MAGOHB: variants seen among roughly 807,000 people sequenced by gnomAD.
MAGOHB encodes mago homolog B, exon junction complex subunit, also known as protein mago nashi homolog 2.
A neutral mutation model predicts 20.9 loss-of-function variants in MAGOHB; 15 were observed. The observed-to-expected ratio is 0.72, with a 90% CI of 0.48 to 1.11. The LOEUF (loss-of-function observed/expected upper bound fraction) is 1.11. Ranked by LOEUF, MAGOHB falls within the 50% of genes least tolerant of loss-of-function variation. The pLI is 0.00. For synonymous variants in MAGOHB, 50 were observed against 57.9 expected (o/e 0.86, Z 0.62); for missense variants, 162 against 177.6 (o/e 0.91, Z 0.50).
chr12:10,611,656 G>A (rs1473500837), intron 1 of MAGOHB, among the ~76,000 whole-genome samples: 2 of 146,532 alleles, frequency 1.4e-5, no homozygotes, highest in African/African-American at 5.1e-5. Context: ...GATGAGGCAG[G>A]AGAATCGCTT....
chr12:10,608,574 C>T (rs1275484643), intron 3 of MAGOHB: 2 of 110,318 alleles, frequency 1.8e-5, no homozygotes, highest in African/African-American at 3.4e-5. Flanking sequence ...TAATACTCCA[C>T]AAAATAACTA....
intron 4 of MAGOHB, among the ~76,000 whole-genome samples, chr12:10,606,920 G>A (rs1479791984): frequency 6.6e-6 from 1 of 152,076 alleles, no homozygotes; most frequent in East Asian, 1.9e-4. Context: ...TTCCATAGAA[G>A]AGATGCTCAG....
In MAGOHB at chr12:10,613,587, G is replaced by C. The variant is rs1865794152; in HGVS notation, c.-55C>G. 3.4e-6 allele frequency: 4 copies of C among 1,178,958 alleles called. No homozygotes were observed. The South Asian group carries it at 4.9e-5, about 14-fold the overall frequency. 73.0% of individuals were successfully genotyped at this position (1,178,958 alleles called of 1,614,324 possible). On this transcript the variant is annotated 5_prime_UTR_variant, in exon 1 of 5. Coordinates refer to ENST00000320756, the MANE Select transcript of MAGOHB (RefSeq NM_018048.5). The stretch of plus-strand genomic sequence containing the variant: ...CAGCCAACGTGTCCCCCGGCGCCTT[G>C]CAGTGACGTCATCGCGCGGAATAAG...
rs114715046 is a variant in MAGOHB at position 10,609,992 on chromosome 12, C to T, written c.154-51G>A. ...GATAATGCCCACCTATGTCACCCCT[C>T]AACTCAGAAAGAAATGAGTTACAAA... On this transcript the variant is annotated intron_variant, in intron 2 of 4. Transcript: ENST00000320756. The T allele has an allele frequency of 6.9e-6, 7 of 1,010,416 alleles. No homozygotes were observed. In the African/African-American group the frequency reaches 9.9e-5, roughly 14 times the overall value. 62.6% of individuals were successfully genotyped at this position (1,010,416 alleles called of 1,614,324 possible).
At position 10,606,262 on chromosome 12, in the gene MAGOHB, GA is replaced by G; in HGVS notation, c.*12del. 1 of 1,349,312 alleles carries G rather than the reference GA, an allele frequency of 7.4e-7. No individual in the cohort carries two copies. Among genetic ancestry groups the G allele is most frequent in the Non-Finnish European group, 1.0e-6 (1 of 979,880 alleles). The allele number at this position is 1,349,312 out of a possible 1,614,324, so 83.6% of individuals were successfully genotyped here. A position where few individuals can be genotyped will look rare whatever the true frequency, so the allele number is the denominator to read the frequency against. On this transcript the variant is annotated 3_prime_UTR_variant, in exon 5 of 5. Coordinates refer to ENST00000320756, the MANE Select transcript of MAGOHB (RefSeq NM_018048.5). ...CCTTAATTAAATATACAAACAGCCT[GA>G]AAACATACAATTTAAATTGGTTTAA...
Position 10,613,479 on chromosome 12 carries a change from C to G in MAGOHB, c.54G>C (p.Lys18Asn), listed in dbSNP as rs1351936060. 1 of 1,614,202 alleles carries G rather than the reference C, an allele frequency of 6.2e-7. No individual in the cohort carries two copies. Among genetic ancestry groups the G allele is most frequent in the East Asian group, 2.2e-5 (1 of 44,874 alleles). Reference sequence around the variant, plus strand: ...CGAACTCCAGAAACTCGTGCCCAAACTTGCCCTTGTGCCCTACGTAGTAGC... The same window carrying G: ...CGAACTCCAGAAACTCGTGCCCAAAGTTGCCCTTGTGCCCTACGTAGTAGC... ...YLRYYVGHKG[K>N]FGHEFLEFEF... Residue 18 changes from lysine (K) to asparagine (N), a missense_variant, in exon 1 of 5, where the codon AAG (lysine) becomes AAC (asparagine). Lys to Asn is a moderately conservative substitution (Grantham distance 94). Transcript: ENST00000320756.
At position 10,606,183 on chromosome 12, in the gene MAGOHB, G is replaced by T. The variant is rs1290828908; in HGVS notation, c.*92C>A. 11 of 662,896 alleles carry T rather than the reference G, an allele frequency of 1.7e-5. No homozygotes were observed. Among genetic ancestry groups the T allele is most frequent in the Non-Finnish European group, 2.5e-5 (10 of 405,678 alleles). 41.1% of individuals were successfully genotyped at this position (662,896 alleles called of 1,614,324 possible). ...GTTTACATACAAATTTTTTTTGTTT[G>T]CTTCACATTCATAAAAACCCCAATA... is the stretch of plus-strand genomic sequence containing the variant. On this transcript the variant is annotated 3_prime_UTR_variant, in exon 5 of 5. Transcript: ENST00000320756.
intron 3 of MAGOHB, chr12:10,608,314 T>C (rs1354491598): frequency 6.3e-6 from 1 of 159,802 alleles, no homozygotes; most frequent in African/African-American, 2.4e-5. Flanking sequence ...ATACACATTT[T>C]TTCTTTCTGG....
downstream of MAGOHB, among the ~76,000 whole-genome samples, chr12:10,600,354 A>G (rs1389237299): frequency 6.6e-6 from 1 of 151,878 alleles, no homozygotes; most frequent in African/African-American, 2.4e-5. Context: ...GGATACTTAA[A>G]TTGTTTTCAA....
chr12:10,609,608 A>G (rs566587817), intron 3 of MAGOHB: 1 of 536,184 alleles, frequency 1.9e-6, no homozygotes, highest in Non-Finnish European at 3.3e-6. Context: ...GGGTGACTAC[A>G]GAGAAAGATG....
chr12:10,610,623 T>C lies in MAGOHB; in HGVS notation c.152A>G (p.Glu51Gly). The C allele has an allele frequency of 1.3e-6, 2 of 1,514,156 alleles. No individual in the cohort carries two copies. Among genetic ancestry groups the C allele is most frequent in the Non-Finnish European group, 1.8e-6 (2 of 1,129,360 alleles). 93.8% of individuals were successfully genotyped at this position (1,514,156 alleles called of 1,614,324 possible). A position where few individuals can be genotyped will look rare whatever the true frequency, so the allele number is the denominator to read the frequency against. ...NYKNDVMIRK[E>G]AYVHKSVMEE... Reference sequence around the variant, plus strand: ...AAAAGACATTCACATAGAACTTACCTCTTTTCTGATCATGACATCATTTTT... The same window carrying C: ...AAAAGACATTCACATAGAACTTACCCCTTTTCTGATCATGACATCATTTTT... Residue 51 changes from glutamate to glycine, a missense_variant and splice_region_variant, in exon 2 of 5, where the codon GAG becomes GGG. Glu to Gly is a moderately conservative substitution (Grantham distance 98). Coordinates refer to ENST00000320756, the MANE Select transcript of MAGOHB (RefSeq NM_018048.5).
At chr12:10,603,013 T>C (rs749689068), downstream of MAGOHB, among the ~76,000 whole-genome samples, 1 of 152,162 alleles carries the variant, frequency 6.6e-6, no homozygotes, top group Non-Finnish European at 1.5e-5. Flanking sequence ...TTCTAATGCC[T>C]AACTTTTATC....
At chr12:10,609,549 C>T in intron 3 of MAGOHB, 3 of 438,206 alleles carry the variant, frequency 6.8e-6, no homozygotes, top group Non-Finnish European at 1.3e-5. Context: ...TAACACACAA[C>T]AGAAATTATT....
At chr12:10,613,385 C>T in intron 1 of MAGOHB, 54 bp downstream of exon 1, 1 of 1,497,092 alleles carries the variant, frequency 6.7e-7, no homozygotes, top group Non-Finnish European at 9.3e-7. Context: ...CACCACCCGG[C>T]CTCTCGGTCT....
rs910608903 is a variant in MAGOHB, at chr12:10,605,419, T to C, written c.*856A>G. ...AACTTTTTAAGAGTGGGGCTTCAGATGGAAGAATAAAAGGAAACAAGGAAC... is the reference window on the plus strand; with the variant it reads ...AACTTTTTAAGAGTGGGGCTTCAGACGGAAGAATAAAAGGAAACAAGGAAC... On this transcript the variant is annotated 3_prime_UTR_variant, in exon 5 of 5. Transcript: ENST00000320756. 5.9e-5 allele frequency: 9 copies of C among 151,938 alleles called. No individual in the cohort carries two copies. The highest frequency in any genetic ancestry group is 2.2e-4 in the African/African-American group (9 of 41,350). The allele number at this position is 151,938 out of a possible 1,614,324, so 9.4% of individuals were successfully genotyped here.
Position 10,607,878 on chromosome 12 carries a change from G to T in MAGOHB, c.323C>A (p.Ser108Tyr). Residue 108 changes from serine (S) to tyrosine (Y), a missense_variant, in exon 4 of 5, where the codon TCT becomes TAT. Transcript: ENST00000320756. ...CTTTGACTGATTTACATCAATAAGA[G>T]AACCTATTTTTGATGTGGTAAAAGA... is the stretch of plus-strand genomic sequence containing the variant. ...HISFTTSKIG[S>Y]LIDVNQSKDP... 1 of 1,593,864 alleles carries T rather than the reference G, an allele frequency of 6.3e-7. No individual in the cohort carries two copies. The highest frequency in any genetic ancestry group is 8.6e-7 in the Non-Finnish European group (1 of 1,169,180).
rs1591661799 is a variant in MAGOHB, at chr12:10,606,167, C to A, written c.*108G>T. ...TATTTTCTTATTTTCAGTTTACATACAAATTTTTTTTGTTTGCTTCACATT... is the reference window on the plus strand; with the variant it reads ...TATTTTCTTATTTTCAGTTTACATAAAAATTTTTTTTGTTTGCTTCACATT... On this transcript the variant is annotated 3_prime_UTR_variant, in exon 5 of 5. Coordinates refer to ENST00000320756, the MANE Select transcript of MAGOHB (RefSeq NM_018048.5). The A allele has an allele frequency of 3.4e-6, 2 of 590,288 alleles. No individual in the cohort carries two copies. The highest frequency in any genetic ancestry group is 6.4e-5 in the East Asian group (2 of 31,486). 36.6% of individuals were successfully genotyped at this position (590,288 alleles called of 1,614,324 possible).
rs753490584 is a variant in MAGOHB, at chr12:10,610,643, A to G, written c.132T>C (p.Asn44=). The stretch of plus-strand genomic sequence containing the variant: ...TTACCTCTTTTCTGATCATGACATC[A>G]TTTTTGTAATTGCTGTTGTTGGCAT... ...LRYANNSNYK[N]DVMIRKEAYV... The change falls in exon 2 of 5, where the codon AAT becomes AAC. Residue 44 remains asparagine (N), a synonymous_variant. Coordinates refer to ENST00000320756, the MANE Select transcript of MAGOHB (RefSeq NM_018048.5). 3 of 1,568,356 alleles carry G rather than the reference A, an allele frequency of 1.9e-6. No homozygotes were observed. The highest frequency in any genetic ancestry group is 2.8e-5 in the African/African-American group (2 of 72,290).
intron 4 of MAGOHB, among the ~76,000 whole-genome samples, chr12:10,606,587 A>C (rs570676004): frequency 6.6e-6 from 1 of 152,202 alleles, no homozygotes; most frequent in East Asian, 1.9e-4. Flanking sequence ...TTAGTATTTA[A>C]AGAGTTCATA....
Sources: gnomAD v4.1 joint callset for allele counts (sites outside exome capture counted in the v4.1 genomes callset) on GRCh38, gnomAD v4.1.1 for gene constraint, MANE v1.5 for transcripts, NCBI Gene and HGNC (gene_info 2026-07-23, HGNC 2026-07-21) for gene names.